GRAMD1B: variants seen among roughly 807,000 people sequenced by gnomAD.
The protein encoded by GRAMD1B is protein Aster-B.
GRAMD1B carries 37 observed loss-of-function variants against 99.7 expected under a neutral mutation model. The observed-to-expected ratio is 0.37, with a 90% CI of 0.29 to 0.49. GRAMD1B has a LOEUF of 0.49. GRAMD1B is among the 20% of genes least tolerant of loss of function. The pLI, the probability that GRAMD1B is intolerant of heterozygous loss-of-function variation, is 0.98. For synonymous variants in GRAMD1B, 427 were observed against 387.6 expected, an observed-to-expected ratio of 1.10 and a Z score of -1.19; for missense variants, 888 against 1,009.2, an observed-to-expected ratio of 0.88 and a Z score of 1.63.
chr11:123,615,637 G>T (rs1305656662), intron 17 of GRAMD1B, among the ~76,000 whole-genome samples: 1 of 152,242 alleles, frequency 6.6e-6, no homozygotes, highest in Non-Finnish European at 1.5e-5. Flanking sequence ...ACATGGTTGT[G>T]TCATTCACAG....
chr11:123,390,677 T>C (rs7927064), intron 1 of GRAMD1B, among the ~76,000 whole-genome samples: 43,634 of 152,184 alleles, frequency 0.29, 13,900 homozygotes, highest in African/African-American at 0.79. Context: ...TTGAAGACAT[T>C]CTTTTGCTCT....
At position 123,468,889 on chromosome 11, in the gene GRAMD1B, T is replaced by C. The variant is rs146430817; in HGVS notation, c.375-11927T>C. Reference sequence around the variant, plus strand: ...AAGATTTACTACTTTTGAAGAATAATAGTAGCTATAATATTGTGTGTCTAC... The same window carrying C: ...AAGATTTACTACTTTTGAAGAATAACAGTAGCTATAATATTGTGTGTCTAC... On this transcript the variant is annotated intron_variant, in intron 1 of 19. Coordinates refer to ENST00000635736, the MANE Select transcript of GRAMD1B (RefSeq NM_001387025.1). Among the ~76,000 whole-genome samples the C allele has an allele frequency of 2.1e-3, 310 of 150,878 alleles. 8 individuals are homozygous for C. The highest frequency in any genetic ancestry group is 9.4e-3 in the East Asian group (48 of 5,080).
chr11:123,448,171 A>T (rs917016622), intron 1 of GRAMD1B, among the ~76,000 whole-genome samples: 5 of 151,930 alleles, frequency 3.3e-5, no homozygotes, highest in Non-Finnish European at 7.4e-5. Flanking sequence ...GCCTGGCCCC[A>T]GGTTTCTTCT....
intron 2 of GRAMD1B, among the ~76,000 whole-genome samples, chr11:123,486,422 G>A (rs1051473663): frequency 5.9e-5 from 9 of 152,050 alleles, no homozygotes; most frequent in South Asian, 2.1e-4. Flanking sequence ...GGTGGCATGC[G>A]CCTGTGGTCC....
chr11:123,373,908 G>T (rs1946610785), intron 1 of GRAMD1B, among the ~76,000 whole-genome samples: 1 of 152,102 alleles, frequency 6.6e-6, no homozygotes, highest in South Asian at 2.1e-4. Flanking sequence ...TAATTATTTG[G>T]CTCTCCAATT....
chr11:123,470,472 A>G (rs1950957568), intron 1 of GRAMD1B, among the ~76,000 whole-genome samples: 1 of 151,698 alleles, frequency 6.6e-6, no homozygotes, highest in African/African-American at 2.4e-5. Context: ...GGCATGAGCA[A>G]CCATGCCCAG....
chr11:123,505,618 T>C (rs1347005852), intron 2 of GRAMD1B, among the ~76,000 whole-genome samples: 1 of 152,180 alleles, frequency 6.6e-6, no homozygotes, highest in Non-Finnish European at 1.5e-5. Context: ...CCCTGTCTTA[T>C]AGATGAGGAA....
intron 1 of GRAMD1B, among the ~76,000 whole-genome samples, chr11:123,377,717 A>G (rs1414813241): frequency 1.3e-5 from 2 of 152,244 alleles, no homozygotes; most frequent in African/African-American, 4.8e-5. Context: ...AAGAGCTGGA[A>G]GATAATATAC....
rs986874829 is a variant in GRAMD1B at position 123,619,954 on chromosome 11, A to T, written c.2544+730A>T. Among the ~76,000 whole-genome samples, 8 of 152,208 alleles carry T rather than the reference A, an allele frequency of 5.3e-5. 1 individual carries two copies. The highest frequency in any genetic ancestry group is 1.2e-4 in the Non-Finnish European group (8 of 68,036). On this transcript the variant is annotated intron_variant, in intron 19 of 19. Transcript: ENST00000635736. ...CTGCTACATGACAACTTCTCTCCCTAAAGAGTTGCCTTTCTGATGTTTTGT... is the reference window on the plus strand; with the variant it reads ...CTGCTACATGACAACTTCTCTCCCTTAAGAGTTGCCTTTCTGATGTTTTGT...
intron 10 of GRAMD1B, 47 bp downstream of exon 10, chr11:123,605,525 C>A: frequency 6.7e-7 from 1 of 1,496,330 alleles, no homozygotes; most frequent in Non-Finnish European, 9.1e-7. Context: ...CTGTGGCCAG[C>A]GTTTCCTAGC....
chr11:123,466,044 C>T (rs993461869), intron 1 of GRAMD1B, among the ~76,000 whole-genome samples: 9 of 151,610 alleles, frequency 5.9e-5, no homozygotes, highest in African/African-American at 1.7e-4. Flanking sequence ...GTGGGGCCTA[C>T]GCGGGCGGAT....
intron 1 of GRAMD1B, among the ~76,000 whole-genome samples, chr11:123,401,021 C>G (rs1009083230): frequency 6.6e-6 from 1 of 152,124 alleles, no homozygotes; most frequent in African/African-American, 2.4e-5. Context: ...CTCTCTCTAA[C>G]AATATGCCAG....
At chr11:123,448,111 C>T (rs554206557) in intron 1 of GRAMD1B, among the ~76,000 whole-genome samples, 1 of 152,232 alleles carries the variant, frequency 6.6e-6, no homozygotes, top group East Asian at 1.9e-4. Flanking sequence ...TCAAGCAATC[C>T]TCTTGCCTTG....
At chr11:123,519,525 A>G (rs894841784) in intron 2 of GRAMD1B, among the ~76,000 whole-genome samples, 22 of 152,180 alleles carry the variant, frequency 1.4e-4, no homozygotes, top group African/African-American at 7.2e-5. Context: ...CTCCTTAAAT[A>G]TAACACTCTC....
At position 123,558,185 on chromosome 11, in the gene GRAMD1B, C is replaced by T. The variant is rs141989388; in HGVS notation, c.453-19182C>T. 4.5e-3 allele frequency among the ~76,000 whole-genome samples: 681 copies of T among 151,674 alleles called. 8 individuals carry two copies. The highest frequency in any genetic ancestry group is 0.014 in the African/African-American group (582 of 41,394). ...TTTTAGTAGAGATGGGGTTTCACCA[C>T]GTTGGCCAGGCTGGTCTAAAACTCC... is the stretch of plus-strand genomic sequence containing the variant. On this transcript the variant is annotated intron_variant, in intron 2 of 19. Coordinates refer to ENST00000635736, the MANE Select transcript of GRAMD1B (RefSeq NM_001387025.1).
chr11:123,393,520 C>T (rs569955536), intron 1 of GRAMD1B, among the ~76,000 whole-genome samples: 24 of 152,126 alleles, frequency 1.6e-4, no homozygotes, highest in Non-Finnish European at 3.2e-4. Flanking sequence ...TCCAAGATGG[C>T]ACACTCACAG....
intron 2 of GRAMD1B, among the ~76,000 whole-genome samples, chr11:123,517,204 G>T (rs1302971950): frequency 6.6e-6 from 1 of 152,202 alleles, no homozygotes. Context: ...ACAGGCATGA[G>T]CCACTGCTCC....
chr11:123,467,801 CTTTTT>C (rs1372534958), intron 1 of GRAMD1B, among the ~76,000 whole-genome samples: 3 of 149,202 alleles, frequency 2.0e-5, no homozygotes. Flanking sequence ...TTCCTTCCTT[CTTTTT>C]CTTTCTTTTC....
At chr11:123,559,209 C>A (rs1946447791) in intron 2 of GRAMD1B, among the ~76,000 whole-genome samples, 1 of 152,172 alleles carries the variant, frequency 6.6e-6, no homozygotes, top group Non-Finnish European at 1.5e-5. Context: ...GAAGAAGATT[C>A]TTAGGGGATT....
Sources: gnomAD v4.1 joint callset for allele counts (sites outside exome capture counted in the v4.1 genomes callset) on GRCh38, gnomAD v4.1.1 for gene constraint, MANE v1.5 for transcripts, NCBI Gene and HGNC (gene_info 2026-07-23, HGNC 2026-07-21) for gene names.